The following GPC5 variants were observed in gnomAD, a reference collection of about 807,000 sequenced individuals.
GPC5 encodes the protein glypican-5.
GPC5 carries 47 observed loss-of-function variants against 53.9 expected under a neutral mutation model. That is an observed-to-expected ratio of 0.87 (90% CI 0.69 to 1.11). GPC5 has a LOEUF of 1.11. GPC5 is among the 50% of genes most tolerant of loss of function. The pLI is 0.00. For synonymous variants in GPC5, 286 were observed against 263.3 expected (o/e 1.09, Z -0.84); for missense variants, 748 against 713.1 (o/e 1.05, Z -0.56).
intron 6 of GPC5, among the ~76,000 whole-genome samples, chr13:91,968,782 T>C (rs1315574279): frequency 6.6e-6 from 1 of 151,932 alleles, no homozygotes; most frequent in East Asian, 1.9e-4. Context: ...CTAAATATGC[T>C]TTTGACAGTG....
intron 7 of GPC5, among the ~76,000 whole-genome samples, chr13:92,260,114 C>G (rs1049092256): frequency 1.3e-5 from 2 of 152,140 alleles, no homozygotes; most frequent in Non-Finnish European, 2.9e-5. Context: ...ACGTTCAGTT[C>G]TTTGGAACAT....
intron 7 of GPC5, among the ~76,000 whole-genome samples, chr13:92,274,796 A>G (rs2042864000): frequency 6.6e-6 from 1 of 152,162 alleles, no homozygotes; most frequent in Non-Finnish European, 1.5e-5. Flanking sequence ...GGAAGTTACA[A>G]TCTTATGCAG....
At chr13:92,630,350 A>C (rs770696404) in intron 7 of GPC5, among the ~76,000 whole-genome samples, 57 of 152,266 alleles carry the variant, frequency 3.7e-4, no homozygotes, top group Middle Eastern at 3.4e-3. Context: ...TTTGTTTCCT[A>C]TCTTTAAAAG....
At chr13:91,837,277 G>T (rs189734782) in intron 5 of GPC5, among the ~76,000 whole-genome samples, 27 of 151,794 alleles carry the variant, frequency 1.8e-4, no homozygotes, top group African/African-American at 6.3e-4. Context: ...AAAACTTTTT[G>T]ATCTGATTGC....
chr13:92,354,649 T>G (rs2043507627), intron 7 of GPC5, among the ~76,000 whole-genome samples: 1 of 151,880 alleles, frequency 6.6e-6, no homozygotes. Flanking sequence ...TTCAAAAGAG[T>G]GCATAACACT....
chr13:91,815,625 C>T (rs1454654651), intron 5 of GPC5, among the ~76,000 whole-genome samples: 2 of 152,136 alleles, frequency 1.3e-5, no homozygotes, highest in East Asian at 3.9e-4. Flanking sequence ...TATCCTCCCT[C>T]CAGCTGCTGT....
At chr13:91,521,175 TAGAC>T (rs979799288) in intron 2 of GPC5, among the ~76,000 whole-genome samples, 23 of 152,228 alleles carry the variant, frequency 1.5e-4, no homozygotes, top group African/African-American at 5.3e-4. Context: ...TTCACATGAA[TAGAC>T]AGAAGAGGTT....
chr13:91,637,078 C>A (rs1000668662), intron 2 of GPC5, among the ~76,000 whole-genome samples: 1 of 152,122 alleles, frequency 6.6e-6, no homozygotes, highest in Admixed American at 6.5e-5. Flanking sequence ...AGAAGTTTGA[C>A]CTTTTACTAT....
intron 6 of GPC5, among the ~76,000 whole-genome samples, chr13:92,113,976 C>T (rs72635478): frequency 0.023 from 3,473 of 152,206 alleles, 58 homozygotes; most frequent in Admixed American, 0.035. Flanking sequence ...AACAACTCTT[C>T]CTTCAAAATG....
chr13:92,258,603 A>G (rs1264557071), intron 7 of GPC5, among the ~76,000 whole-genome samples: 1 of 152,198 alleles, frequency 6.6e-6, no homozygotes, highest in African/African-American at 2.4e-5. Context: ...CTCTAAATAT[A>G]TGACATTGTA....
chr13:91,602,771 C>T (rs1459913442), intron 2 of GPC5, among the ~76,000 whole-genome samples: 2 of 152,068 alleles, frequency 1.3e-5, no homozygotes, highest in Non-Finnish European at 2.9e-5. Context: ...CTAGGGTCAT[C>T]ATTTATAAAG....
chr13:91,650,422 T>C (rs986580232), intron 2 of GPC5, among the ~76,000 whole-genome samples: 22 of 152,146 alleles, frequency 1.4e-4, no homozygotes, highest in African/African-American at 5.1e-4. Context: ...TCACAAAATA[T>C]ACTTCTTCAT....
chr13:92,478,025 C>T (rs7991283), intron 7 of GPC5, among the ~76,000 whole-genome samples: 10 of 152,098 alleles, frequency 6.6e-5, no homozygotes, highest in African/African-American at 2.4e-4. Context: ...CTTTGTTGTT[C>T]ATACAGATAA....
At chr13:92,127,479 T>C (rs1286847591) in intron 6 of GPC5, among the ~76,000 whole-genome samples, 3 of 152,174 alleles carry the variant, frequency 2.0e-5, no homozygotes, top group Non-Finnish European at 4.4e-5. Flanking sequence ...TCCCTACTGA[T>C]AGAACTAAAT....
At chr13:92,803,649 C>T (rs1330982313) in intron 7 of GPC5, among the ~76,000 whole-genome samples, 1 of 151,854 alleles carries the variant, frequency 6.6e-6, no homozygotes, top group African/African-American at 2.4e-5. Context: ...TATCCCTAAA[C>T]TTGTAACTTT....
chr13:92,243,868 C>A (rs1333487551), intron 7 of GPC5, among the ~76,000 whole-genome samples: 1 of 152,034 alleles, frequency 6.6e-6, no homozygotes, highest in South Asian at 2.1e-4. Flanking sequence ...CAGAACCTAC[C>A]CTTTTTGGTA....
At chr13:92,113,770 G>T (rs1315187259) in intron 6 of GPC5, among the ~76,000 whole-genome samples, 1 of 150,900 alleles carries the variant, frequency 6.6e-6, no homozygotes, top group South Asian at 2.1e-4. Context: ...AGAAATAAAG[G>T]TTATTCTTGA....
chr13:92,037,735 C>T (rs72635407), intron 6 of GPC5, among the ~76,000 whole-genome samples: 3,109 of 152,170 alleles, frequency 0.02, 75 homozygotes, highest in African/African-American at 0.053. Flanking sequence ...ACAGTATGAA[C>T]CATTATCCTG....
intron 7 of GPC5, among the ~76,000 whole-genome samples, chr13:92,417,733 T>C (rs1876375704): frequency 6.6e-6 from 1 of 151,172 alleles, no homozygotes; most frequent in African/African-American, 2.4e-5. Flanking sequence ...CCACAGAAAA[T>C]AAAAAAAATT....
Sources: gnomAD v4.1 joint callset for allele counts (sites outside exome capture counted in the v4.1 genomes callset) on GRCh38, gnomAD v4.1.1 for gene constraint, MANE v1.5 for transcripts, NCBI Gene and HGNC (gene_info 2026-07-23, HGNC 2026-07-21) for gene names.